Variants in GRHL2 observed in about 807,000 individuals in gnomAD.
GRHL2 encodes grainyhead-like protein 2 homolog.
GRHL2 carries 21 observed loss-of-function variants against 83.8 expected under a neutral mutation model. That is an observed-to-expected ratio of 0.25 (90% CI 0.18 to 0.36). GRHL2 has a LOEUF of 0.36. Ranked by LOEUF, GRHL2 falls within the 10% of genes least tolerant of loss-of-function variation. The probability of loss-of-function intolerance (pLI) is 1.00; values close to 1 mark genes in which losing one functional copy is unlikely to be tolerated. For synonymous variants in GRHL2, 280 were observed against 278.9 expected (o/e 1.00, Z -0.04); for missense variants, 623 against 781.8 (o/e 0.80, Z 2.42).
chr8:101,662,232 G>A (rs942782608), intron 14 of GRHL2, among the ~76,000 whole-genome samples: 2 of 152,112 alleles, frequency 1.3e-5, no homozygotes, highest in Non-Finnish European at 2.9e-5. Context: ...GCCCCCACTG[G>A]ATGTGTTGTT....
chr8:101,643,112 G>T (rs1319518297), intron 12 of GRHL2, among the ~76,000 whole-genome samples: 1 of 151,938 alleles, frequency 6.6e-6, no homozygotes, highest in Non-Finnish European at 1.5e-5. Context: ...CCTGAATATT[G>T]AAATCTCAAA....
downstream of GRHL2, among the ~76,000 whole-genome samples, chr8:101,672,217 G>A (rs902113921): frequency 6.6e-6 from 1 of 151,730 alleles, no homozygotes; most frequent in East Asian, 1.9e-4. Context: ...TGACTTTGAC[G>A]AGCTGAGAGA....
chr8:101,674,859 C>A, the GRHL2 span, among the ~76,000 whole-genome samples: 1 of 152,056 alleles, frequency 6.6e-6, no homozygotes, highest in Non-Finnish European at 1.5e-5. Flanking sequence ...GCTTATCCAC[C>A]ATGATCAAGT....
intron 6 of GRHL2, among the ~76,000 whole-genome samples, chr8:101,575,711 G>C (rs1216837817): frequency 6.6e-6 from 1 of 152,092 alleles, no homozygotes; most frequent in Admixed American, 6.5e-5. Context: ...ACACTTGCCA[G>C]AAAAAATATT....
rs139385570 is a variant in GRHL2, at chr8:101,535,289, A to ATG, written c.21-7937_21-7936dup. The stretch of plus-strand genomic sequence containing the variant: ...TAGGTGTGTTAATTTACTCAGGGAG[A>ATG]TGTGTGTGTGTGTGTGAATGCACTT... On this transcript the variant is annotated intron_variant, in intron 1 of 15. Coordinates refer to ENST00000646743, the MANE Select transcript of GRHL2 (RefSeq NM_024915.4). Among the ~76,000 whole-genome samples the ATG allele has an allele frequency of 5.1e-4, 77 of 150,988 alleles. 1 individual carries two copies. Among genetic ancestry groups the ATG allele is most frequent in the Middle Eastern group, 6.8e-3 (2 of 292 alleles).
rs1209450344 is a variant in GRHL2, at chr8:101,558,690, A to G, written c.556A>G (p.Ile186Val). The G allele has an allele frequency of 1.9e-6, 3 of 1,614,180 alleles. No homozygotes were observed. Among genetic ancestry groups the G allele is most frequent in the Non-Finnish European group, 2.5e-6 (3 of 1,180,040 alleles). Residue 186 changes from isoleucine (I) to valine (V), a missense_variant, in exon 4 of 16, where the codon ATC (isoleucine) becomes GTC (valine). Ile to Val is a conservative substitution (Grantham distance 29, BLOSUM62 3). Transcript: ENST00000646743. ...AGATGGGGAAGAGCAACGAGTGGTT[A>G]TCTTTGAACAGACTCAGTATGACGT... ...RGDGEEQRVV[I>V]FEQTQYDVPS...
chr8:101,619,470 A>G (rs1812919249), intron 8 of GRHL2, 69 bp from the exon 9 acceptor site: 1 of 1,434,360 alleles, frequency 7.0e-7, no homozygotes, highest in South Asian at 1.1e-5. Flanking sequence ...CTTAAAGTCT[A>G]AAGTTTATGC....
intron 7 of GRHL2, among the ~76,000 whole-genome samples, chr8:101,595,151 A>T: frequency 6.6e-6 from 1 of 152,248 alleles, no homozygotes. Context: ...TGCCTGGCAC[A>T]TAGAGGGCTC....
At chr8:101,558,852 A>G (rs1191045429) in intron 4 of GRHL2, 40 bp downstream of exon 4, 1 of 1,605,312 alleles carries the variant, frequency 6.2e-7, no homozygotes, top group African/African-American at 1.3e-5. Flanking sequence ...ACCCAAACCC[A>G]GAGCCCCTAG....
At chr8:101,543,100 A>G (rs1025697777) in intron 1 of GRHL2, 141 bp from the exon 2 acceptor site, 2 of 726,306 alleles carry the variant, frequency 2.8e-6, no homozygotes, top group Non-Finnish European at 4.9e-6. Context: ...TTGTCACTTT[A>G]ACTTTAAACT....
chr8:101,535,616 A>G (rs911002530), intron 1 of GRHL2, among the ~76,000 whole-genome samples: 8 of 151,856 alleles, frequency 5.3e-5, no homozygotes, highest in African/African-American at 1.9e-4. Flanking sequence ...TTGGCTCACT[A>G]CAGCCTCCGC....
In GRHL2 at chr8:101,558,799, A is replaced by T; in HGVS notation, c.665A>T (p.Asp222Val). ...PDSTYSESFKDAATEKFRSAS... is the reference protein window; with the variant it reads ...PDSTYSESFKVAATEKFRSAS... Reference sequence around the variant, plus strand: ...AGCACATACAGCGAGAGCTTCAAGGACGCAGCCACAGAGGTGAGTCCCAGG... The same window carrying T: ...AGCACATACAGCGAGAGCTTCAAGGTCGCAGCCACAGAGGTGAGTCCCAGG... The change falls in exon 4 of 16, where the codon GAC (aspartate) becomes GTC (valine). Residue 222 changes from aspartate to valine, a missense_variant. Physicochemically the swap from Asp to Val is radical, Grantham distance 152. Around this residue, in one of 8 missense-constraint regions of GRHL2, gnomAD observed 239 missense variants for 240.5 expected, o/e 0.99. Coordinates refer to ENST00000646743, the MANE Select transcript of GRHL2 (RefSeq NM_024915.4). 1 of 1,614,064 alleles carries T rather than the reference A, an allele frequency of 6.2e-7. No individual in the cohort carries two copies. Among genetic ancestry groups the T allele is most frequent in the African/African-American group, 1.3e-5 (1 of 75,046 alleles).
At chr8:101,655,170 G>A (rs1349554058) in intron 14 of GRHL2, among the ~76,000 whole-genome samples, 7 of 133,620 alleles carry the variant, frequency 5.2e-5, no homozygotes, top group Admixed American at 2.2e-4. Context: ...CAACAAGAGC[G>A]AAACTCCAAT....
intron 14 of GRHL2, among the ~76,000 whole-genome samples, chr8:101,656,714 T>C (rs1159577775): frequency 2.0e-5 from 3 of 152,176 alleles, no homozygotes; most frequent in African/African-American, 7.2e-5. Context: ...GAGATAATAT[T>C]ATGAGGATAA....
At chr8:101,582,811 T>C (rs896062131) in intron 7 of GRHL2, among the ~76,000 whole-genome samples, 2 of 152,232 alleles carry the variant, frequency 1.3e-5, no homozygotes, top group African/African-American at 4.8e-5. Context: ...CTCCACAAAG[T>C]CTTGTTTTAC....
At chr8:101,655,230 A>G (rs1454482677) in intron 14 of GRHL2, among the ~76,000 whole-genome samples, 3 of 152,016 alleles carry the variant, frequency 2.0e-5, no homozygotes, top group Non-Finnish European at 4.4e-5. Context: ...GAGTGAGGTC[A>G]GGACACTGCC....
At chr8:101,640,448 G>A (rs1245175167) in intron 12 of GRHL2, among the ~76,000 whole-genome samples, 1 of 152,164 alleles carries the variant, frequency 6.6e-6, no homozygotes, top group African/African-American at 2.4e-5. Flanking sequence ...ATTTTCTGTA[G>A]AGAATGGTCC....
At chr8:101,674,684 G>A (rs184170735), downstream of GRHL2, among the ~76,000 whole-genome samples, 4 of 152,252 alleles carry the variant, frequency 2.6e-5, no homozygotes, top group Admixed American at 2.0e-4. Context: ...TAGAAAAAGA[G>A]GAAATCCTCC....
At chr8:101,517,914 C>A (rs1810604074) in intron 1 of GRHL2, among the ~76,000 whole-genome samples, 1 of 152,116 alleles carries the variant, frequency 6.6e-6, no homozygotes, top group Non-Finnish European at 1.5e-5. Flanking sequence ...GCAGTGACAC[C>A]AGATAGAAGA....
Sources: gnomAD v4.1 joint callset for allele counts (sites outside exome capture counted in the v4.1 genomes callset) on GRCh38, gnomAD v4.1.1 for gene constraint, gnomAD v4.1.1 regional missense constraint, MANE v1.5 for transcripts, NCBI Gene and HGNC (gene_info 2026-07-23, HGNC 2026-07-21) for gene names.